The following STIM1 variants were observed in gnomAD, a reference collection of about 807,000 sequenced individuals.
The protein encoded by STIM1 is stromal interaction molecule 1.
In STIM1, 25 loss-of-function variants were observed where a neutral mutation model predicts 74.7. That is an observed-to-expected ratio of 0.33 (90% CI 0.24 to 0.47). The LOEUF (loss-of-function observed/expected upper bound fraction) is 0.47, where lower values mean the gene tolerates loss of function less well. Among genes scored for constraint, STIM1 ranks in the 20% least tolerant of loss-of-function variants. The pLI is 1.00. For synonymous variants in STIM1, 328 were observed against 348.8 expected (o/e 0.94, Z 0.66); for missense variants, 728 against 920.8 (o/e 0.79, Z 2.71).
chr11:4,086,709 TACCACCACC>T (rs753506968), intron 12 of STIM1, 166 bp downstream of exon 12: 14 of 1,538,192 alleles, frequency 9.1e-6, no homozygotes, highest in African/African-American at 4.1e-5. Flanking sequence ...CCATCACCAC[TACCACCACC>T]ACCACCACCA....
chr11:3,981,497 CA>C (rs1335050319), intron 2 of STIM1, among the ~76,000 whole-genome samples: 1 of 152,130 alleles, frequency 6.6e-6, no homozygotes, highest in Non-Finnish European at 1.5e-5. Context: ...AATTCGAAAA[CA>C]AAGATACTAT....
rs146936655 is a variant in STIM1 at position 4,084,896 on chromosome 11, C to T, written c.1567+131C>T. 16 of 659,160 alleles carry T rather than the reference C, an allele frequency of 2.4e-5. No individual in the cohort carries two copies. In the East Asian group the frequency reaches 1.1e-3, roughly 44 times the overall value. 40.8% of individuals were successfully genotyped at this position (659,160 alleles called of 1,614,324 possible). ...CTCCCTCTATCCCCTCAGCACTGTCCCTACTAACTACAGGGAGGGGTTCGG... is the reference window on the plus strand; with the variant it reads ...CTCCCTCTATCCCCTCAGCACTGTCTCTACTAACTACAGGGAGGGGTTCGG... On this transcript the variant is annotated intron_variant, in intron 11 of 12. Transcript: ENST00000526596.
chr11:4,022,642 T>G (rs2093966364), intron 2 of STIM1, among the ~76,000 whole-genome samples: 3 of 152,172 alleles, frequency 2.0e-5, no homozygotes, highest in African/African-American at 4.8e-5. Flanking sequence ...GGTATATTCC[T>G]TCTATACCTA....
chr11:4,042,850 G>C (rs532727479), intron 3 of STIM1, among the ~76,000 whole-genome samples: 3 of 152,158 alleles, frequency 2.0e-5, no homozygotes, highest in African/African-American at 7.2e-5. Context: ...TACTGAGTTT[G>C]TATTAAATCC....
intron 3 of STIM1, among the ~76,000 whole-genome samples, chr11:4,046,835 G>C (rs535862475): frequency 6.6e-6 from 1 of 152,030 alleles, no homozygotes; most frequent in Admixed American, 6.5e-5. Flanking sequence ...TTTTTCTTTT[G>C]TAGAGTTGGA....
intron 4 of STIM1, among the ~76,000 whole-genome samples, chr11:4,057,035 C>A (rs1028752473): frequency 6.6e-6 from 1 of 152,150 alleles, no homozygotes; most frequent in African/African-American, 2.4e-5. Context: ...CACTAAGCAC[C>A]TACCATGTGC....
chr11:3,969,277 G>T (rs1332186845), intron 2 of STIM1, among the ~76,000 whole-genome samples: 2 of 151,758 alleles, frequency 1.3e-5, no homozygotes, highest in Non-Finnish European at 2.9e-5. Flanking sequence ...TTGAGGCCAA[G>T]AATTTGAGAC....
In STIM1 at chr11:3,968,835, C is replaced by G. The variant is rs188236203; in HGVS notation, c.270+1153C>G. Among the ~76,000 whole-genome samples, 230 of 152,258 alleles carry G rather than the reference C, an allele frequency of 1.5e-3. 1 individual carries two copies. The highest frequency in any genetic ancestry group is 1.8e-3 in the Non-Finnish European group (121 of 68,028). Reference sequence around the variant, plus strand: ...TAGCTCTCATTGATTGAACTCTTACCTTATGCCAGTCACAGTGTTAAGCTT... The same window carrying G: ...TAGCTCTCATTGATTGAACTCTTACGTTATGCCAGTCACAGTGTTAAGCTT... On this transcript the variant is annotated intron_variant, in intron 2 of 12. Transcript: ENST00000526596.
At chr11:3,967,768 G>C in intron 2 of STIM1, 86 bp downstream of exon 2, 1 of 1,577,990 alleles carries the variant, frequency 6.3e-7, no homozygotes, top group Non-Finnish European at 8.7e-7. Flanking sequence ...CTTCCCTGGG[G>C]AGAGATGTTC....
intron 2 of STIM1, among the ~76,000 whole-genome samples, chr11:4,015,635 G>T (rs1370676538): frequency 1.3e-5 from 2 of 152,254 alleles, no homozygotes; most frequent in East Asian, 3.8e-4. Context: ...ATCCTGAAGA[G>T]TGTTTTCTAA....
At chr11:3,931,030 G>A (rs2092853533) in intron 1 of STIM1, among the ~76,000 whole-genome samples, 1 of 152,194 alleles carries the variant, frequency 6.6e-6, no homozygotes, top group Admixed American at 6.5e-5. Context: ...AGTAGGGAAG[G>A]CAAAAATGAA....
At chr11:3,949,938 C>A (rs2093124961) in intron 1 of STIM1, among the ~76,000 whole-genome samples, 1 of 152,138 alleles carries the variant, frequency 6.6e-6, no homozygotes, top group Admixed American at 6.5e-5. Flanking sequence ...ATAACCACTC[C>A]CGTCTCCTTT....
At chr11:3,865,826 G>A (rs569696458) in intron 1 of STIM1, among the ~76,000 whole-genome samples, 103 of 152,316 alleles carry the variant, frequency 6.8e-4, no homozygotes, top group African/African-American at 2.2e-3. Context: ...GCCAAGGGGA[G>A]GTTCTCTGGG....
chr11:4,047,571 G>C (rs542446775), intron 3 of STIM1, among the ~76,000 whole-genome samples: 2 of 152,030 alleles, frequency 1.3e-5, no homozygotes, highest in African/African-American at 4.8e-5. Context: ...AGCTGAGATC[G>C]TGCCACTGCA....
Position 4,092,109 on chromosome 11 carries a change from C to A in STIM1, c.*311C>A. 2.3e-6 allele frequency: 1 copy of A among 440,420 alleles called. No individual in the cohort carries two copies. The highest frequency in any genetic ancestry group is 4.2e-6 in the Non-Finnish European group (1 of 237,948). 27.3% of individuals were successfully genotyped at this position (440,420 alleles called of 1,614,324 possible). On this transcript the variant is annotated 3_prime_UTR_variant, in exon 13 of 13. Transcript: ENST00000526596. ...CAGCTCCACCTCTGGGGTTCAGCTT[C>A]TGTCTCTGCTGTCCCAGTTTTGAGG...
intron 1 of STIM1, among the ~76,000 whole-genome samples, chr11:3,862,684 G>T (rs1330623121): frequency 1.3e-5 from 2 of 151,974 alleles, no homozygotes; most frequent in Non-Finnish European, 2.9e-5. Context: ...CTGACCTCGT[G>T]ATCTGTCCGC....
chr11:4,052,909 A>G (rs1046519693), intron 3 of STIM1, among the ~76,000 whole-genome samples: 14 of 152,344 alleles, frequency 9.2e-5, no homozygotes, highest in African/African-American at 3.4e-4. Context: ...CCCCATCAAA[A>G]AGTAGGCGAA....
rs528382769 is a variant in STIM1 at position 4,023,046 on chromosome 11, G to A, written c.271-827G>A. 3.3e-5 allele frequency among the ~76,000 whole-genome samples: 5 copies of A among 152,280 alleles called. No homozygotes were observed. The South Asian group carries it at 6.2e-4, about 19-fold the overall frequency. On this transcript the variant is annotated intron_variant, in intron 2 of 12. Transcript: ENST00000526596. ...GTGGACATGTTTTAAAACCATTACAGTCGGCCGGGTATGGTGGCTCACACC... is the reference window on the plus strand; with the variant it reads ...GTGGACATGTTTTAAAACCATTACAATCGGCCGGGTATGGTGGCTCACACC...
intron 4 of STIM1, among the ~76,000 whole-genome samples, chr11:4,057,066 G>C (rs2094295321): frequency 6.6e-6 from 1 of 152,178 alleles, no homozygotes; most frequent in South Asian, 2.1e-4. Flanking sequence ...GGTGGGCCCA[G>C]AGGACAAAGA....
Sources: allele counts gnomAD v4.1 joint callset (sites outside exome capture counted in the v4.1 genomes callset), GRCh38; gene constraint gnomAD v4.1.1; transcripts MANE v1.5; gene names NCBI Gene and HGNC (gene_info 2026-07-23, HGNC 2026-07-21).